Variants in DPP4 observed in about 807,000 individuals in gnomAD.
The protein encoded by DPP4 is dipeptidyl peptidase 4.
Under a neutral mutation model 122.4 loss-of-function variants are expected in DPP4, and 93 were observed. The observed-to-expected ratio is 0.76, with a 90% CI of 0.64 to 0.90. DPP4 has a LOEUF of 0.90. Among genes scored for constraint, DPP4 ranks in the 40% least tolerant of loss-of-function variants. The pLI, the probability that DPP4 is intolerant of heterozygous loss-of-function variation, is 0.00. For synonymous variants in DPP4, 321 were observed against 302.9 expected (o/e 1.06, Z -0.62); for missense variants, 914 against 907.3 (o/e 1.01, Z -0.09).
chr2:162,007,137 C>A (rs1701301633), intron 22 of DPP4, among the ~76,000 whole-genome samples: 1 of 151,786 alleles, frequency 6.6e-6, no homozygotes, highest in African/African-American at 2.4e-5. Context: ...ATTTAAAGGA[C>A]ACTAATATAA....
At chr2:162,033,862 G>GTATATATATATATATATATA (rs138320647) in intron 9 of DPP4, among the ~76,000 whole-genome samples, 21 of 104,032 alleles carry the variant, frequency 2.0e-4, no homozygotes, top group East Asian at 9.5e-4. Context: ...CAGAATATGT[G>GTATATATATATATATATATA]TATATATATA....
Position 162,018,824 on chromosome 2 carries a change from A to T in DPP4, c.1325T>A (p.Val442Glu), listed in dbSNP as rs1683013316. The T allele has an allele frequency of 6.2e-7, 1 of 1,614,162 alleles. No individual in the cohort carries two copies. The highest frequency in any genetic ancestry group is 8.5e-7 in the Non-Finnish European group (1 of 1,180,032). The change falls in exon 16 of 26, where the codon GTG becomes GAG. Residue 442 changes from valine (V) to glutamate (E), a missense_variant. Val to Glu is a moderately radical substitution (Grantham distance 121). Transcript: ENST00000360534. ...YKIQLSDYTK[V>E]TCLSCELNPE... ...ATTCAGCTCACAACTGAGGCATGTC[A>T]CTTTTGTATAGTCACTAAGTTGGAT...
intron 25 of DPP4, 46 bp from the exon 26 acceptor site, chr2:161,993,430 T>C (rs765329985): frequency 7.5e-7 from 1 of 1,334,728 alleles, no homozygotes; most frequent in Non-Finnish European, 1.1e-6. Context: ...GTCAGTACTC[T>C]TCTTAAAAAA....
chr2:162,046,892 A>G (rs1168248538), intron 4 of DPP4, 23 bp downstream of exon 4: 2 of 1,459,586 alleles, frequency 1.4e-6, no homozygotes, highest in African/African-American at 1.4e-5. Flanking sequence ...CTATGCATGA[A>G]TTAATTACGT....
intron 8 of DPP4, among the ~76,000 whole-genome samples, chr2:162,037,678 T>C (rs945882827): frequency 1.3e-5 from 2 of 152,138 alleles, no homozygotes; most frequent in African/African-American, 4.8e-5. Flanking sequence ...TCTAATATTT[T>C]CTAAGTTTCT....
At chr2:162,027,127 G>A (rs1364416574) in intron 10 of DPP4, among the ~76,000 whole-genome samples, 2 of 152,066 alleles carry the variant, frequency 1.3e-5, no homozygotes, top group African/African-American at 4.8e-5. Flanking sequence ...AACCTGGGCA[G>A]ATCACCTGAG....
intron 22 of DPP4, among the ~76,000 whole-genome samples, chr2:162,007,650 G>T (rs552062221): frequency 3.3e-5 from 5 of 151,860 alleles, no homozygotes. Context: ...ACCACTAGAG[G>T]TCTCCAAAAA....
chr2:162,074,062 G>T lies in DPP4; in HGVS notation c.-81C>A. On this transcript the variant is annotated 5_prime_UTR_variant, in exon 1 of 26. Transcript: ENST00000360534. ...CGCGGGCGGCGGAGACGCGCGTCCT[G>T]CACCGCTGCTCCGGGCGGTGGAGTC... is the stretch of plus-strand genomic sequence containing the variant. 8 of 1,562,630 alleles carry T rather than the reference G, an allele frequency of 5.1e-6. No homozygotes were observed. The highest frequency in any genetic ancestry group is 6.9e-6 in the Non-Finnish European group (8 of 1,155,308).
chr2:162,014,427 T>G lies in DPP4; in HGVS notation c.1606A>C (p.Lys536Gln). Residue 536 changes from lysine to glutamine, a missense_variant, in exon 19 of 26, where the codon AAA becomes CAA. Physicochemically the swap from Lys to Gln is moderately conservative, Grantham distance 53. Coordinates refer to ENST00000360534, the MANE Select transcript of DPP4 (RefSeq NM_001935.4). ...AATAGTAGAGGATATTTCTTGGATT[T>G]ATCAAAATGAGGAGGCAAGATCATC... Reference protein sequence around the residue: ...YQMILPPHFDKSKKYPLLLDV... With the variant: ...YQMILPPHFDQSKKYPLLLDV... The G allele has an allele frequency of 6.2e-7, 1 of 1,609,004 alleles. No individual in the cohort carries two copies. The highest frequency in any genetic ancestry group is 1.1e-5 in the South Asian group (1 of 90,214).
At chr2:162,013,614 T>C (rs540763141) in intron 19 of DPP4, among the ~76,000 whole-genome samples, 1 of 152,014 alleles carries the variant, frequency 6.6e-6, no homozygotes, top group Admixed American at 6.6e-5. Flanking sequence ...GAACTTACTA[T>C]ATGGGTTTGT....
chr2:162,033,868 A>G (rs949069868), intron 9 of DPP4, among the ~76,000 whole-genome samples: 6 of 125,570 alleles, frequency 4.8e-5, no homozygotes, highest in African/African-American at 2.0e-4. Context: ...ATGTGTATAT[A>G]TATATATATA....
intron 5 of DPP4, among the ~76,000 whole-genome samples, chr2:162,043,584 CT>C (rs1244803683): frequency 1.3e-5 from 2 of 152,158 alleles, no homozygotes; most frequent in Non-Finnish European, 2.9e-5. Context: ...CATCAAATGG[CT>C]TTTGTTGAAC....
intron 2 of DPP4, among the ~76,000 whole-genome samples, chr2:162,050,505 A>G (rs1489839885): frequency 6.6e-6 from 1 of 152,160 alleles, no homozygotes; most frequent in Non-Finnish European, 1.5e-5. Flanking sequence ...ATCAACTCTG[A>G]TGCCACACTT....
In DPP4 at chr2:162,074,128, T is replaced by A. The variant is rs886284689; in HGVS notation, c.-147A>T. 1 of 1,413,754 alleles carries A rather than the reference T, an allele frequency of 7.1e-7. No homozygotes were observed. 87.6% of individuals were successfully genotyped at this position (1,413,754 alleles called of 1,614,324 possible). On this transcript the variant is annotated 5_prime_UTR_variant, in exon 1 of 26. Transcript: ENST00000360534. ...GTTTCGGCCCCGAGTTAAACATTAG[T>A]GAGCGCCGAGCCCGCTGGGTATAAA...
intron 2 of DPP4, among the ~76,000 whole-genome samples, chr2:162,065,414 G>C (rs1399333003): frequency 1.3e-5 from 2 of 152,186 alleles, no homozygotes; most frequent in African/African-American, 4.8e-5. Flanking sequence ...CTGAAAGGTG[G>C]AAAGGCCCCA....
In DPP4 at chr2:161,993,326, G is replaced by GTA. The variant is rs1559701381; in HGVS notation, c.2256_2257dup (p.Thr753IlefsTer4). ...TTGTTTTATGAAGTGGCTCATGTGGGTATATATATGTTGGTGTGCTGTGCT... is the reference window on the plus strand; with the variant it reads ...TTGTTTTATGAAGTGGCTCATGTGGGTATATATATATGTTGGTGTGCTGTGCT... On this transcript the variant is annotated frameshift_variant, in exon 26 of 26. Coordinates refer to ENST00000360534, the MANE Select transcript of DPP4 (RefSeq NM_001935.4). LOFTEE classifies it high-confidence loss of function. 1.9e-6 allele frequency: 3 copies of GTA among 1,613,630 alleles called. No homozygotes were observed. Among genetic ancestry groups the GTA allele is most frequent in the Non-Finnish European group, 2.5e-6 (3 of 1,179,726 alleles).
chr2:162,015,206 A>G (rs1682866186), intron 18 of DPP4, among the ~76,000 whole-genome samples: 1 of 152,212 alleles, frequency 6.6e-6, no homozygotes, highest in South Asian at 2.1e-4. Context: ...GATTCAGTAG[A>G]TTTAAACTGT....
At chr2:162,020,317 T>TTTA (rs1553663376) in intron 13 of DPP4, 21 bp from the exon 14 acceptor site, 102 of 1,374,516 alleles carry the variant, frequency 7.4e-5, no homozygotes, top group South Asian at 2.4e-4. Flanking sequence ...TTTTTTTTTT[T>TTTA]CAAAAAAAAA....
At chr2:162,009,806 G>T (rs1576037533) in intron 20 of DPP4, among the ~76,000 whole-genome samples, 1 of 152,006 alleles carries the variant, frequency 6.6e-6, no homozygotes. Flanking sequence ...TATGCTGGGT[G>T]TTGATTAGTT....
Sources: gnomAD v4.1 joint callset for allele counts (sites outside exome capture counted in the v4.1 genomes callset) on GRCh38, gnomAD v4.1.1 for gene constraint, MANE v1.5 for transcripts, NCBI Gene and HGNC (gene_info 2026-07-23, HGNC 2026-07-21) for gene names.